CADM2: variants seen among roughly 807,000 people sequenced by gnomAD.
CADM2 encodes cell adhesion molecule 2.
Under a neutral mutation model 49.8 loss-of-function variants are expected in CADM2, and 12 were observed. The ratio of observed to expected loss-of-function variants is 0.24; its 90% CI spans 0.15 to 0.39. The LOEUF (loss-of-function observed/expected upper bound fraction) is 0.39. CADM2 is among the 10% of genes least tolerant of loss of function. The pLI is 1.00. For synonymous variants in CADM2, 214 were observed against 175.4 expected (o/e 1.22, Z -1.74); for missense variants, 378 against 492.3 (o/e 0.77, Z 2.20).
At position 86,028,323 on chromosome 3, in the gene CADM2, T is replaced by C. The variant is rs372925623; in HGVS notation, c.971-37282T>C. On this transcript the variant is annotated intron_variant, in intron 8 of 9. Transcript: ENST00000383699. ...ATTCATTTATACACTTAACAAATAT[T>C]TGGGTTTCCAGTAAATGAAAACACA... 1.6e-4 allele frequency among the ~76,000 whole-genome samples: 24 copies of C among 152,174 alleles called. 1 individual carries two copies. The highest frequency in any genetic ancestry group is 5.5e-4 in the African/African-American group (23 of 41,548).
chr3:85,501,898 G>A (rs373924729), intron 1 of CADM2, among the ~76,000 whole-genome samples: 1 of 152,008 alleles, frequency 6.6e-6, no homozygotes, highest in South Asian at 2.1e-4. Context: ...CTCCTTTCTT[G>A]TCCTTAAGCC....
chr3:85,317,977 A>G (rs114538175), intron 1 of CADM2, among the ~76,000 whole-genome samples: 90 of 152,260 alleles, frequency 5.9e-4, no homozygotes, highest in African/African-American at 9.6e-4. Context: ...ATTTTAAACT[A>G]TGGGTTAAGT....
At chr3:85,071,968 T>C (rs1202546218) in intron 1 of CADM2, among the ~76,000 whole-genome samples, 1 of 150,562 alleles carries the variant, frequency 6.6e-6, no homozygotes, top group Non-Finnish European at 1.5e-5. Context: ...AATAATAATA[T>C]AATACAAATA....
intron 1 of CADM2, among the ~76,000 whole-genome samples, chr3:85,078,594 A>G (rs578054607): frequency 6.6e-6 from 1 of 151,998 alleles, no homozygotes; most frequent in Non-Finnish European, 1.5e-5. Flanking sequence ...CACAAAGCCC[A>G]GAAACTGTCT....
intron 1 of CADM2, among the ~76,000 whole-genome samples, chr3:85,076,566 C>T (rs954911580): frequency 1.8e-4 from 27 of 150,992 alleles, no homozygotes; most frequent in African/African-American, 6.6e-4. Context: ...AGGCTGGTCT[C>T]GAACTCCTGA....
intron 5 of CADM2, among the ~76,000 whole-genome samples, chr3:85,902,454 A>T (rs988936851): frequency 1.3e-5 from 2 of 151,782 alleles, no homozygotes; most frequent in Non-Finnish European, 2.9e-5. Flanking sequence ...TTTATCATTT[A>T]AAAAAATACA....
intron 1 of CADM2, among the ~76,000 whole-genome samples, chr3:85,702,177 A>G (rs1424061575): frequency 6.6e-6 from 1 of 152,068 alleles, no homozygotes; most frequent in East Asian, 1.9e-4. Flanking sequence ...GCAGCCTCAC[A>G]GTCATTTCTT....
At chr3:85,393,820 C>A (rs1392152065) in intron 1 of CADM2, among the ~76,000 whole-genome samples, 2 of 151,878 alleles carry the variant, frequency 1.3e-5, no homozygotes, top group Non-Finnish European at 2.9e-5. Flanking sequence ...GTTTTTAAAA[C>A]TTTGTCTTAA....
chr3:85,258,540 T>A (rs1198590773), intron 1 of CADM2, among the ~76,000 whole-genome samples: 1 of 150,390 alleles, frequency 6.6e-6, no homozygotes, highest in Non-Finnish European at 1.5e-5. Flanking sequence ...TGCATGCTGG[T>A]TGAGTTTCTA....
chr3:85,609,840 A>T (rs752370930), intron 1 of CADM2, among the ~76,000 whole-genome samples: 2 of 152,122 alleles, frequency 1.3e-5, no homozygotes, highest in African/African-American at 4.8e-5. Flanking sequence ...GATGATTATT[A>T]TAATGGGGAT....
chr3:85,475,014 C>G (rs2038920739), intron 1 of CADM2, among the ~76,000 whole-genome samples: 1 of 151,862 alleles, frequency 6.6e-6, no homozygotes. Context: ...ATGAAACTCT[C>G]AGATCCACCT....
At chr3:85,375,417 AC>A (rs1489160029) in intron 1 of CADM2, among the ~76,000 whole-genome samples, 1 of 152,188 alleles carries the variant, frequency 6.6e-6, no homozygotes, top group Non-Finnish European at 1.5e-5. Context: ...TCCCAGGGAA[AC>A]CCTGACTGTA....
intron 1 of CADM2, among the ~76,000 whole-genome samples, chr3:85,435,364 T>C (rs2036877131): frequency 6.6e-6 from 1 of 152,188 alleles, no homozygotes. Context: ...TTTTTATGGC[T>C]GCATAGTATT....
intron 1 of CADM2, among the ~76,000 whole-genome samples, chr3:85,708,463 T>A (rs1266071923): frequency 7.2e-5 from 11 of 152,148 alleles, no homozygotes; most frequent in African/African-American, 2.4e-4. Flanking sequence ...TAGTTTGTGA[T>A]TGCTACCTTA....
intron 1 of CADM2, among the ~76,000 whole-genome samples, chr3:85,505,738 T>C (rs1446391958): frequency 2.0e-5 from 3 of 152,148 alleles, no homozygotes; most frequent in Non-Finnish European, 4.4e-5. Flanking sequence ...TAAAGACAAG[T>C]AGGACAATTA....
intron 1 of CADM2, among the ~76,000 whole-genome samples, chr3:85,453,515 C>T (rs1346693589): frequency 6.6e-6 from 1 of 152,002 alleles, no homozygotes; most frequent in African/African-American, 2.4e-5. Context: ...ATATCATTAT[C>T]ATATTGATTA....
At chr3:85,777,824 T>C (rs2070434303) in intron 2 of CADM2, among the ~76,000 whole-genome samples, 3 of 152,172 alleles carry the variant, frequency 2.0e-5, no homozygotes, top group Admixed American at 1.3e-4. Context: ...TATAGAGCAG[T>C]GATAAAAGCC....
chr3:85,600,776 ATACT>A (rs1163588049), intron 1 of CADM2, among the ~76,000 whole-genome samples: 4 of 151,676 alleles, frequency 2.6e-5, no homozygotes. Flanking sequence ...GTATCATGAT[ATACT>A]TACTCTATTA....
At chr3:85,105,612 A>G (rs889926106) in intron 1 of CADM2, among the ~76,000 whole-genome samples, 1 of 152,196 alleles carries the variant, frequency 6.6e-6, no homozygotes, top group Non-Finnish European at 1.5e-5. Context: ...CCAAGGGACT[A>G]TAAATCATGC....
Sources: allele counts gnomAD v4.1 joint callset (sites outside exome capture counted in the v4.1 genomes callset), GRCh38; gene constraint gnomAD v4.1.1; transcripts MANE v1.5; gene names NCBI Gene and HGNC (gene_info 2026-07-23, HGNC 2026-07-21).